The following CEP164 variants were observed in gnomAD, a reference collection of about 807,000 sequenced individuals.
The protein encoded by CEP164 is centrosomal protein 164, also known as centrosomal protein of 164 kDa.
In CEP164, 162 loss-of-function variants were observed where a neutral mutation model predicts 182.7. The ratio of observed to expected loss-of-function variants is 0.89; its 90% CI spans 0.78 to 1.01. The LOEUF is 1.01. CEP164 is among the 50% of genes least tolerant of loss of function. The pLI, the probability that CEP164 is intolerant of heterozygous loss-of-function variation, is 0.00. For missense variants in CEP164, 1,735 were observed against 1,790.4 expected (o/e 0.97, Z 0.56); for synonymous variants, 661 against 690.0 (o/e 0.96, Z 0.66).
intron 15 of CEP164, among the ~76,000 whole-genome samples, chr11:117,388,108 C>T (rs1036645171): frequency 6.6e-6 from 1 of 152,210 alleles, no homozygotes; most frequent in East Asian, 1.9e-4. Flanking sequence ...CAGGGGCCCA[C>T]CCAAGCAGGA....
intron 15 of CEP164, 35 bp downstream of exon 15, chr11:117,387,447 C>T (rs762563692): frequency 1.3e-6 from 2 of 1,599,868 alleles, no homozygotes; most frequent in Non-Finnish European, 1.7e-6. Flanking sequence ...CTTCCTGGGG[C>T]CTTTCAGGGA....
intron 24 of CEP164, 24 bp from the exon 25 acceptor site, chr11:117,396,030 T>C: frequency 2.5e-6 from 4 of 1,613,972 alleles, no homozygotes; most frequent in Non-Finnish European, 3.4e-6. Context: ...CTGCCCTGCC[T>C]CTCACTCATC....
chr11:117,336,730 G>T, intron 2 of CEP164: 1 of 677,124 alleles, frequency 1.5e-6, no homozygotes, highest in Admixed American at 2.3e-5. Context: ...GCTTGAAGAG[G>T]GCCGTTTCAT....
intron 14 of CEP164, chr11:117,385,172 G>C (rs886996441): frequency 6.6e-6 from 1 of 152,140 alleles, no homozygotes; most frequent in Admixed American, 6.6e-5. Context: ...TTTCTCTCCC[G>C]TATCTTTGAG....
intron 10 of CEP164, among the ~76,000 whole-genome samples, chr11:117,375,197 A>G (rs2042610523): frequency 6.6e-6 from 1 of 152,138 alleles, no homozygotes; most frequent in African/African-American, 2.4e-5. Context: ...GGCACCACGG[A>G]GAGGGAGAGA....
chr11:117,384,316 G>A (rs2043692469), intron 14 of CEP164, among the ~76,000 whole-genome samples: 1 of 152,242 alleles, frequency 6.6e-6, no homozygotes, highest in South Asian at 2.1e-4. Context: ...TGCAGGAGTG[G>A]TGTATGGAAG....
chr11:117,404,715 CA>C (rs1288276304), intron 27 of CEP164, among the ~76,000 whole-genome samples: 1 of 152,238 alleles, frequency 6.6e-6, no homozygotes, highest in African/African-American at 2.4e-5. Context: ...TCAGAGCCAG[CA>C]GGCAGGAATA....
At chr11:117,357,043 C>T (rs538554179) in intron 5 of CEP164, among the ~76,000 whole-genome samples, 14 of 152,182 alleles carry the variant, frequency 9.2e-5, no homozygotes, top group Admixed American at 4.6e-4. Flanking sequence ...CCCCAAAGCT[C>T]TGAACTTTAT....
Position 117,410,810 on chromosome 11 carries a change from G to A in CEP164, c.4097-18G>A. ...TGACCACTGCCCATTTCTGAGTCCT[G>A]TCCCCATGCTCTTCCAGCTGGCATC... is the stretch of plus-strand genomic sequence containing the variant. On this transcript the variant is annotated intron_variant, in intron 30 of 32. Coordinates refer to ENST00000278935, the MANE Select transcript of CEP164 (RefSeq NM_014956.5). The A allele has an allele frequency of 6.2e-7, 1 of 1,610,134 alleles. No homozygotes were observed. The highest frequency in any genetic ancestry group is 8.5e-7 in the Non-Finnish European group (1 of 1,177,500).
At chr11:117,395,502 C>G (rs1397909274) in intron 23 of CEP164, 45 bp from the exon 24 acceptor site, 2 of 1,563,700 alleles carry the variant, frequency 1.3e-6, no homozygotes, top group East Asian at 2.2e-5. Flanking sequence ...CCTGGCTTCT[C>G]TCTGTGCTGT....
In CEP164 at chr11:117,327,862, C is replaced by G. The variant is rs2134556308; in HGVS notation, c.-140C>G. 1 of 152,394 alleles carries G rather than the reference C, an allele frequency of 6.6e-6. No individual in the cohort carries two copies. The highest frequency in any genetic ancestry group is 1.9e-4 in the East Asian group (1 of 5,172). The allele number at this position is 152,394 out of a possible 1,614,324, so 9.4% of individuals were successfully genotyped here. On this transcript the variant is annotated 5_prime_UTR_variant, in exon 1 of 33. Coordinates refer to ENST00000278935, the MANE Select transcript of CEP164 (RefSeq NM_014956.5). ...CTTTTCCGGAAGTGTTTGTTGCGCG[C>G]TGCAGGGCAACACCCCGGCGTCCCT...
At position 117,390,892 on chromosome 11, in the gene CEP164, G is replaced by GA. The variant is rs1269101571; in HGVS notation, c.2051dup (p.Asp684GlufsTer2). The GA allele has an allele frequency of 6.2e-7, 1 of 1,613,912 alleles. No individual in the cohort carries two copies. The highest frequency in any genetic ancestry group is 8.5e-7 in the Non-Finnish European group (1 of 1,180,018). The stretch of plus-strand genomic sequence containing the variant: ...TCAGGTCCAGTCCAGCACACAAGCA[G>GA]ATGAGGACCAAATCAGGTAAGTGTG... On this transcript the variant is annotated frameshift_variant, in exon 16 of 33. Coordinates refer to ENST00000278935, the MANE Select transcript of CEP164 (RefSeq NM_014956.5). LOFTEE classifies it high-confidence loss of function.
chr11:117,361,922 C>T lies in CEP164; in HGVS notation c.481C>T (p.Leu161Phe), dbSNP rs761756138. 1.2e-6 allele frequency: 2 copies of T among 1,610,878 alleles called. No homozygotes were observed. The highest frequency in any genetic ancestry group is 1.7e-6 in the Non-Finnish European group (2 of 1,179,260). ...TCTTGTGGATACCCCACCCTCTGCT[C>T]TTCGTGGATCTCAAAGCGTGAGCCT... ...RGLVDTPPSA[L>F]RGSQSVSLGS... The change falls in exon 6 of 33, where the codon CTT (leucine) becomes TTT (phenylalanine). Residue 161 changes from leucine (L) to phenylalanine (F), a missense_variant. By Grantham distance (22) the Leu-to-Phe change is conservative. Transcript: ENST00000278935.
At chr11:117,396,746 T>C (rs763148284) in intron 26 of CEP164, 135 bp downstream of exon 26, 1 of 761,802 alleles carries the variant, frequency 1.3e-6, no homozygotes, top group Non-Finnish European at 2.3e-6. Flanking sequence ...TGGGGAAGGC[T>C]CCGGAGGATT....
intron 2 of CEP164, chr11:117,336,254 C>T (rs1010257644): frequency 2.5e-6 from 4 of 1,587,114 alleles, no homozygotes; most frequent in Non-Finnish European, 3.4e-6. Flanking sequence ...GAATGCTTGC[C>T]ATGCTTTTGG....
At position 117,338,596 on chromosome 11, in the gene CEP164, C is replaced by T. The variant is rs765277720; in HGVS notation, c.10C>T (p.Arg4Ter). The part of the protein sequence containing the change: MAG[R>*]PLRIGDQLVL... ...TGAGCCCAGATGAGTCATGGCTGGACGACCCCTCCGCATAGGAGATCAGCT... is the reference window on the plus strand; with the variant it reads ...TGAGCCCAGATGAGTCATGGCTGGATGACCCCTCCGCATAGGAGATCAGCT... Residue 4 changes from arginine to a stop codon, truncating the protein, a stop_gained, in exon 3 of 33, where the codon CGA becomes TGA. Transcript: ENST00000278935. LOFTEE classifies it high-confidence loss of function. 9 of 1,613,832 alleles carry T rather than the reference C, an allele frequency of 5.6e-6. No individual in the cohort carries two copies. In the Admixed American group the frequency reaches 8.3e-5, roughly 15 times the overall value.
upstream of CEP164, among the ~76,000 whole-genome samples, chr11:117,324,521 G>A (rs2035361341): frequency 6.6e-6 from 1 of 151,632 alleles, no homozygotes; most frequent in Non-Finnish European, 1.5e-5. Flanking sequence ...TTTGCCTTGG[G>A]GGCATTTTAT....
intron 9 of CEP164, among the ~76,000 whole-genome samples, chr11:117,372,206 C>A (rs1477206143): frequency 6.6e-6 from 1 of 150,942 alleles, no homozygotes; most frequent in Non-Finnish European, 1.5e-5. Flanking sequence ...CTCCCAGGTT[C>A]AAGCGATTCT....
intron 27 of CEP164, among the ~76,000 whole-genome samples, chr11:117,398,546 A>G (rs2045769467): frequency 6.6e-6 from 1 of 152,194 alleles, no homozygotes; most frequent in Admixed American, 6.5e-5. Flanking sequence ...CCACCCCTGT[A>G]GCAGACTTTT....
Sources: gnomAD v4.1 joint callset for allele counts (sites outside exome capture counted in the v4.1 genomes callset) on GRCh38, gnomAD v4.1.1 for gene constraint, MANE v1.5 for transcripts, NCBI Gene and HGNC (gene_info 2026-07-23, HGNC 2026-07-21) for gene names.